Variants in COL28A1 observed in about 807,000 individuals in gnomAD.
COL28A1 encodes the protein collagen alpha-1(XXVIII) chain.
In COL28A1, 161 loss-of-function variants were observed where a neutral mutation model predicts 150.2. The observed-to-expected ratio is 1.07, with a 90% CI of 0.94 to 1.22. COL28A1 has a LOEUF of 1.22. Ranked by LOEUF, COL28A1 falls within the 50% of genes most tolerant of loss-of-function variation. The pLI is 0.00. For synonymous variants in COL28A1, 552 were observed against 469.7 expected, an observed-to-expected ratio of 1.18 and a Z score of -2.26; for missense variants, 1,617 against 1,388.3, an observed-to-expected ratio of 1.16 and a Z score of -2.62.
chr7:7,420,069 C>G (rs1014217539), intron 25 of COL28A1, 116 bp from the exon 26 acceptor site: 2 of 514,550 alleles, frequency 3.9e-6, no homozygotes, highest in Non-Finnish European at 6.5e-6. Flanking sequence ...TTAATTGAAC[C>G]CTCTTCTCCT....
intron 20 of COL28A1, 29 bp downstream of exon 20, chr7:7,443,556 T>C: frequency 6.2e-7 from 1 of 1,613,458 alleles, no homozygotes; most frequent in Non-Finnish European, 8.5e-7. Context: ...GAACACAGGC[T>C]GCTTCCACCA....
chr7:7,380,523 G>T lies in COL28A1; in HGVS notation c.2322+137C>A, dbSNP rs565791905. 3.8e-5 allele frequency: 27 copies of T among 713,296 alleles called. 1 individual carries two copies. The South Asian group carries it at 4.4e-4, about 12-fold the overall frequency. 44.2% of individuals were successfully genotyped at this position (713,296 alleles called of 1,614,324 possible). On this transcript the variant is annotated intron_variant, in intron 30 of 34. Transcript: ENST00000399429. ...ACCTCATGCATCTAAGCCAACACTG[G>T]GCTGGTAGTAGTTGATCTCATTTAA...
chr7:7,464,016 A>G (rs962210860), intron 15 of COL28A1, among the ~76,000 whole-genome samples: 17 of 152,224 alleles, frequency 1.1e-4, no homozygotes, highest in African/African-American at 3.9e-4. Context: ...AGCCATTCTT[A>G]TATCAGACAA....
At position 7,502,690 on chromosome 7, in the gene COL28A1, C is replaced by T. The variant is rs577896911; in HGVS notation, c.1026+3324G>A. 8.7e-4 allele frequency among the ~76,000 whole-genome samples: 87 copies of T among 100,138 alleles called. 7 individuals carry two copies. The highest frequency in any genetic ancestry group is 8.4e-4 in the Non-Finnish European group (47 of 55,784). 65.7% of individuals were successfully genotyped at this position (100,138 alleles called of 152,430 possible). ...TTTCTTTCTCCCAAGATATTCCCTTCCTTTTTTTTTTTTTTTTTTTTTTTT... is the reference window on the plus strand; with the variant it reads ...TTTCTTTCTCCCAAGATATTCCCTTTCTTTTTTTTTTTTTTTTTTTTTTTT... On this transcript the variant is annotated intron_variant, in intron 11 of 34. Transcript: ENST00000399429.
chr7:7,360,588 T>G, intron 33 of COL28A1, 60 bp from the exon 34 acceptor site: 1 of 1,504,992 alleles, frequency 6.6e-7, no homozygotes, highest in Non-Finnish European at 9.0e-7. Context: ...AAATACTAGT[T>G]TGCTTTTGGG....
upstream of COL28A1, among the ~76,000 whole-genome samples, chr7:7,539,226 A>G (rs1435253121): frequency 2.6e-5 from 4 of 152,196 alleles, no homozygotes; most frequent in Non-Finnish European, 5.9e-5. Context: ...TCTGCAGTCT[A>G]TGCAAGAAGC....
chr7:7,459,709 A>C (rs1243693204), intron 15 of COL28A1, among the ~76,000 whole-genome samples: 1 of 152,206 alleles, frequency 6.6e-6, no homozygotes, highest in Non-Finnish European at 1.5e-5. Flanking sequence ...TTTTAAAGAA[A>C]ACAAATAGCC....
the COL28A1 span, among the ~76,000 whole-genome samples, chr7:7,340,207 C>A: frequency 3.3e-5 from 5 of 152,002 alleles, no homozygotes; most frequent in Admixed American, 3.3e-4. Context: ...GCATGAGCTA[C>A]CATGCCCGGC....
intron 27 of COL28A1, among the ~76,000 whole-genome samples, chr7:7,387,624 A>AG (rs1460024371): frequency 5.3e-5 from 8 of 152,298 alleles, no homozygotes; most frequent in African/African-American, 1.9e-4. Flanking sequence ...TGATATAGCA[A>AG]ATGTGGTAAT....
chr7:7,532,867 G>T lies in COL28A1; in HGVS notation c.9C>A (p.Asn3Lys). ...GCAGGAGATAGAAGACAAAATATCTGTTCCACATTATGGTAGATGGTGAAA... is the reference window on the plus strand; with the variant it reads ...GCAGGAGATAGAAGACAAAATATCTTTTCCACATTATGGTAGATGGTGAAA... MW[N>K]RYFVFYLLLL... Residue 3 changes from asparagine to lysine, a missense_variant, in exon 2 of 35, where the codon AAC (asparagine) becomes AAA (lysine). Asn to Lys is a moderately conservative substitution (Grantham distance 94). Coordinates refer to ENST00000399429, the MANE Select transcript of COL28A1 (RefSeq NM_001037763.3). 1 of 1,608,618 alleles carries T rather than the reference G, an allele frequency of 6.2e-7. No individual in the cohort carries two copies. The highest frequency in any genetic ancestry group is 8.5e-7 in the Non-Finnish European group (1 of 1,178,174).
At chr7:7,477,033 C>T in intron 14 of COL28A1, 79 bp downstream of exon 14, 2 of 798,186 alleles carry the variant, frequency 2.5e-6, no homozygotes, top group South Asian at 1.5e-5. Flanking sequence ...TAAAAATTGG[C>T]TAGGACACAT....
At chr7:7,374,946 T>C (rs914796117) in intron 31 of COL28A1, among the ~76,000 whole-genome samples, 2 of 152,210 alleles carry the variant, frequency 1.3e-5, no homozygotes, top group Non-Finnish European at 2.9e-5. Flanking sequence ...AAGTCTACCA[T>C]TCAGTCATGG....
At chr7:7,412,736 C>T (rs747347128) in intron 27 of COL28A1, among the ~76,000 whole-genome samples, 26 of 152,214 alleles carry the variant, frequency 1.7e-4, no homozygotes, top group Middle Eastern at 3.4e-3. Context: ...TGATTCAAAT[C>T]TGTTGACTCC....
intron 25 of COL28A1, chr7:7,431,796 T>G (rs1016525877): frequency 3.4e-6 from 1 of 292,520 alleles, no homozygotes; most frequent in Non-Finnish European, 7.1e-6. Context: ...ACAGCCCACG[T>G]AAGAGATGAC....
chr7:7,541,212 C>A, the COL28A1 span, among the ~76,000 whole-genome samples: 1 of 151,922 alleles, frequency 6.6e-6, no homozygotes, highest in Non-Finnish European at 1.5e-5. Context: ...TTATATAGTT[C>A]CTCCTGCACA....
At position 7,530,535 on chromosome 7, in the gene COL28A1, T is replaced by G. The variant is rs1009450143; in HGVS notation, c.681+813A>C. Reference sequence around the variant, plus strand: ...AGGAAATCAAAGAAATCCAAGTTTTTAAGAAAATCAGTTTTTAACACTCAG... The same window carrying G: ...AGGAAATCAAAGAAATCCAAGTTTTGAAGAAAATCAGTTTTTAACACTCAG... On this transcript the variant is annotated intron_variant, in intron 3 of 34. Transcript: ENST00000399429. 2.0e-5 allele frequency among the ~76,000 whole-genome samples: 3 copies of G among 152,330 alleles called. No individual in the cohort carries two copies. The East Asian group carries it at 5.8e-4, about 29-fold the overall frequency.
intron 19 of COL28A1, among the ~76,000 whole-genome samples, chr7:7,443,894 C>G (rs1786011941): frequency 6.6e-6 from 1 of 151,722 alleles, no homozygotes; most frequent in South Asian, 2.1e-4. Context: ...CAGCCAATTT[C>G]CAAAGCAATA....
At chr7:7,513,200 G>A (rs1781241781) in intron 8 of COL28A1, among the ~76,000 whole-genome samples, 1 of 152,098 alleles carries the variant, frequency 6.6e-6, no homozygotes, top group Non-Finnish European at 1.5e-5. Context: ...TTACATTATT[G>A]CTAATCCCCA....
intron 26 of COL28A1, among the ~76,000 whole-genome samples, chr7:7,419,540 T>C (rs534639470): frequency 6.6e-6 from 1 of 152,198 alleles, no homozygotes; most frequent in South Asian, 2.1e-4. Context: ...CAATGACACA[T>C]TAGCAGGTGA....
Sources: allele counts gnomAD v4.1 joint callset (sites outside exome capture counted in the v4.1 genomes callset), GRCh38; gene constraint gnomAD v4.1.1; transcripts MANE v1.5; gene names NCBI Gene and HGNC (gene_info 2026-07-23, HGNC 2026-07-21).